Variants in WDR7 observed in about 807,000 individuals in gnomAD.
WDR7 encodes the protein WD repeat domain 7.
A neutral mutation model predicts 169.4 loss-of-function variants in WDR7; 46 were observed. The observed-to-expected ratio is 0.27, with a 90% CI of 0.21 to 0.35. The LOEUF (loss-of-function observed/expected upper bound fraction) is 0.35, where lower values mean the gene tolerates loss of function less well. Among genes scored for constraint, WDR7 ranks in the 10% least tolerant of loss-of-function variants. The pLI is 1.00. For missense variants in WDR7, 1,534 were observed against 1,859.3 expected (o/e 0.83, Z 3.22); for synonymous variants, 612 against 666.8 (o/e 0.92, Z 1.27).
intron 20 of WDR7, among the ~76,000 whole-genome samples, chr18:56,878,288 T>A (rs891773657): frequency 6.6e-6 from 1 of 152,230 alleles, no homozygotes; most frequent in African/African-American, 2.4e-5. Context: ...AAATATCTGA[T>A]TGCTGTTTTG....
chr18:56,962,375 G>A lies in WDR7; in HGVS notation c.4065-55G>A, dbSNP rs2047349522. 4.0e-6 allele frequency: 6 copies of A among 1,481,530 alleles called. 1 individual carries two copies. In the South Asian group the frequency reaches 5.7e-5, roughly 14 times the overall value. 91.8% of individuals were successfully genotyped at this position (1,481,530 alleles called of 1,614,324 possible). ...ATGTTGCTGTCCACTTCCAAGTGCAGGTCATCTCACCTGGCTTCTTGTTTT... is the reference window on the plus strand; with the variant it reads ...ATGTTGCTGTCCACTTCCAAGTGCAAGTCATCTCACCTGGCTTCTTGTTTT... On this transcript the variant is annotated intron_variant, in intron 25 of 27. Transcript: ENST00000254442.
intron 19 of WDR7, among the ~76,000 whole-genome samples, chr18:56,800,411 A>C (rs1396697020): frequency 6.6e-6 from 1 of 152,174 alleles, no homozygotes; most frequent in Non-Finnish European, 1.5e-5. Flanking sequence ...TATTTCATGC[A>C]TGTGCTTACT....
chr18:56,773,342 A>G (rs1037343655), intron 16 of WDR7, among the ~76,000 whole-genome samples: 5 of 138,856 alleles, frequency 3.6e-5, no homozygotes, highest in Non-Finnish European at 6.1e-5. Flanking sequence ...TTTAAAGAGA[A>G]GTTTTTTTTT....
At chr18:56,938,353 G>T (rs1260158337) in intron 23 of WDR7, among the ~76,000 whole-genome samples, 180 bp from the exon 24 acceptor site, 1 of 152,010 alleles carries the variant, frequency 6.6e-6, no homozygotes, top group Non-Finnish European at 1.5e-5. Context: ...ATTCTATTAG[G>T]CAATACCTAT....
At chr18:56,985,034 A>G (rs1315144008) in intron 26 of WDR7, among the ~76,000 whole-genome samples, 1 of 152,032 alleles carries the variant, frequency 6.6e-6, no homozygotes, top group Non-Finnish European at 1.5e-5. Context: ...TCTCCATGAC[A>G]CTCATAATAA....
At chr18:56,833,523 A>G (rs1181753580) in intron 20 of WDR7, among the ~76,000 whole-genome samples, 1 of 152,236 alleles carries the variant, frequency 6.6e-6, no homozygotes, top group Admixed American at 6.5e-5. Flanking sequence ...TATAATTAAT[A>G]TAAGCTAATT....
rs574854507 is a variant in WDR7, at chr18:57,024,987, A to G, written c.4270-2017A>G. On this transcript the variant is annotated intron_variant, in intron 27 of 27. Transcript: ENST00000254442. Reference sequence around the variant, plus strand: ...TTGACCTGACCAAAGGCATTTATCAAAGTAGGGATGGCTCAGGTTATAAGA... The same window carrying G: ...TTGACCTGACCAAAGGCATTTATCAGAGTAGGGATGGCTCAGGTTATAAGA... 7.2e-5 allele frequency among the ~76,000 whole-genome samples: 11 copies of G among 152,244 alleles called. 2 individuals carry two copies. The South Asian group carries it at 2.3e-3, about 32-fold the overall frequency.
rs115201642 is a variant in WDR7 at position 56,691,768 on chromosome 18, A to G, written c.917A>G (p.Asn306Ser). The change falls in exon 9 of 28, where the codon AAT becomes AGT. Residue 306 changes from asparagine to serine, a missense_variant. Physicochemically the swap from Asn to Ser is conservative, Grantham distance 46. Transcript: ENST00000254442. ...AGTGATGTGGGGAAGGCAGTTGAAA[A>G]TTTAATTCCTCCTGTACAACATATC... ...FRSDVGKAVE[N>S]LIPPVQHILL... 485 of 1,612,706 alleles carry G rather than the reference A, an allele frequency of 3.0e-4. 1 individual carries two copies. In the African/African-American group the frequency reaches 5.7e-3, roughly 19 times the overall value.
chr18:56,811,754 G>A (rs190573283), intron 19 of WDR7, among the ~76,000 whole-genome samples: 7 of 151,960 alleles, frequency 4.6e-5, no homozygotes, highest in Admixed American at 3.3e-4. Context: ...CCATCGAATT[G>A]GTTTTGCACC....
chr18:56,922,141 T>C lies in WDR7; in HGVS notation c.3527-1781T>C, dbSNP rs185565271. Among the ~76,000 whole-genome samples the C allele has an allele frequency of 8.5e-4, 130 of 152,170 alleles. 1 individual carries two copies. The highest frequency in any genetic ancestry group is 2.8e-3 in the African/African-American group (118 of 41,518). ...CTTATGACTTCCAAGAAGTAAAAAA[T>C]AAACAGGAAAATGGTAGATAACTAG... On this transcript the variant is annotated intron_variant, in intron 21 of 27. Transcript: ENST00000254442.
At chr18:56,804,892 G>A (rs549185548) in intron 19 of WDR7, among the ~76,000 whole-genome samples, 1 of 152,322 alleles carries the variant, frequency 6.6e-6, no homozygotes, top group South Asian at 2.1e-4. Context: ...AGTCAATGTT[G>A]TGATAATGCA....
chr18:56,857,072 G>A (rs1323235912), intron 20 of WDR7, among the ~76,000 whole-genome samples: 2 of 152,134 alleles, frequency 1.3e-5, no homozygotes, highest in African/African-American at 4.8e-5. Flanking sequence ...GGAATGAGGT[G>A]TAAATTCTGT....
Position 56,904,913 on chromosome 18 carries a change from T to A in WDR7, c.3527-19009T>A, listed in dbSNP as rs377604212. Among the ~76,000 whole-genome samples the A allele has an allele frequency of 6.4e-4, 98 of 152,238 alleles. 2 individuals are homozygous for A. Among genetic ancestry groups the A allele is most frequent in the Middle Eastern group, 6.8e-3 (2 of 294 alleles). Reference sequence around the variant, plus strand: ...ATGGAAGGAATGACGCAGCTACTTATTAGGGCAAATGTTCTCCAGGCAAAA... The same window carrying A: ...ATGGAAGGAATGACGCAGCTACTTAATAGGGCAAATGTTCTCCAGGCAAAA... On this transcript the variant is annotated intron_variant, in intron 21 of 27. Coordinates refer to ENST00000254442, the MANE Select transcript of WDR7 (RefSeq NM_015285.3).
rs2026225983 is a variant in WDR7 at position 56,717,837 on chromosome 18, C to T, written c.1579-127C>T. 6.4e-6 allele frequency: 5 copies of T among 786,928 alleles called. No homozygotes were observed. The Admixed American group carries it at 1.3e-4, about 21-fold the overall frequency. The allele number at this position is 786,928 out of a possible 1,614,324, so 48.7% of individuals were successfully genotyped here. A position where few individuals can be genotyped will look rare whatever the true frequency, so the allele number is the denominator to read the frequency against. ...TAAAGGAACATACTTTTCAACATGACCTAATATTGTGGTGGTTTTTCAGTG... is the reference window on the plus strand; with the variant it reads ...TAAAGGAACATACTTTTCAACATGATCTAATATTGTGGTGGTTTTTCAGTG... On this transcript the variant is annotated intron_variant, in intron 12 of 27. Transcript: ENST00000254442.
At chr18:56,936,471 G>A (rs115021999) in intron 23 of WDR7, among the ~76,000 whole-genome samples, 141 of 152,292 alleles carry the variant, frequency 9.3e-4, no homozygotes, top group African/African-American at 3.3e-3. Flanking sequence ...CTTAGTAGGA[G>A]GAAGAAAAGG....
At chr18:56,855,917 C>T (rs941407361) in intron 20 of WDR7, among the ~76,000 whole-genome samples, 8 of 152,128 alleles carry the variant, frequency 5.3e-5, no homozygotes, top group African/African-American at 1.9e-4. Flanking sequence ...AGGATATCTG[C>T]TCTTTGTAAG....
intron 1 of WDR7, among the ~76,000 whole-genome samples, chr18:56,662,080 T>C (rs2024915243): frequency 1.3e-5 from 2 of 152,210 alleles, no homozygotes. Flanking sequence ...AGTACTTGCT[T>C]CTCATATTCC....
At chr18:57,011,176 A>G (rs2048131475) in intron 26 of WDR7, among the ~76,000 whole-genome samples, 1 of 152,232 alleles carries the variant, frequency 6.6e-6, no homozygotes, top group Non-Finnish European at 1.5e-5. Flanking sequence ...GTATATGTGC[A>G]TATGCACATG....
intron 25 of WDR7, among the ~76,000 whole-genome samples, chr18:56,946,642 A>G (rs2047106618): frequency 6.6e-6 from 1 of 151,988 alleles, no homozygotes; most frequent in Non-Finnish European, 1.5e-5. Context: ...ACTGTATTCT[A>G]GAAGCTTCCC....
Sources: allele counts gnomAD v4.1 joint callset (sites outside exome capture counted in the v4.1 genomes callset), GRCh38; gene constraint gnomAD v4.1.1; transcripts MANE v1.5; gene names NCBI Gene and HGNC (gene_info 2026-07-23, HGNC 2026-07-21).